The following STK39 variants were observed in gnomAD, a reference collection of about 807,000 sequenced individuals.
The protein encoded by STK39 is STE20/SPS1-related proline-alanine-rich protein kinase.
Under a neutral mutation model 77.8 loss-of-function variants are expected in STK39, and 20 were observed. The observed-to-expected ratio is 0.26, with a 90% confidence interval of 0.18 to 0.37. The LOEUF is 0.37. STK39 is among the 10% of genes least tolerant of loss of function. STK39 has a pLI of 1.00. For missense variants in STK39, 479 were observed against 656.5 expected, an observed-to-expected ratio of 0.73 and a Z score of 2.95; for synonymous variants, 246 against 234.1, an observed-to-expected ratio of 1.05 and a Z score of -0.47.
At chr2:168,196,605 G>A (rs1348869226) in intron 1 of STK39, among the ~76,000 whole-genome samples, 2 of 152,196 alleles carry the variant, frequency 1.3e-5, no homozygotes, top group African/African-American at 2.4e-5. Flanking sequence ...GCAGTGACCT[G>A]TGATCATGCC....
At chr2:167,971,777 G>T (rs1360630746) in intron 16 of STK39, among the ~76,000 whole-genome samples, 2 of 152,220 alleles carry the variant, frequency 1.3e-5, no homozygotes, top group Admixed American at 1.3e-4. Flanking sequence ...GATAAGTAAT[G>T]GGGTACATTT....
chr2:168,227,667 T>C (rs978771620), intron 1 of STK39, among the ~76,000 whole-genome samples: 2 of 152,176 alleles, frequency 1.3e-5, no homozygotes, highest in African/African-American at 2.4e-5. Flanking sequence ...TAAAACAATT[T>C]TTCTTTTTTA....
At chr2:168,002,435 C>G (rs1684024553) in intron 16 of STK39, among the ~76,000 whole-genome samples, 1 of 152,196 alleles carries the variant, frequency 6.6e-6, no homozygotes, top group Non-Finnish European at 1.5e-5. Flanking sequence ...TTACAAATGA[C>G]AGGTCTACCA....
rs1300472813 is a variant in STK39, at chr2:168,012,700, T to C, written c.1432A>G (p.Thr478Ala). Residue 478 changes from threonine to alanine, a missense_variant and splice_region_variant, in exon 16 of 18, where the codon ACA (threonine) becomes GCA (alanine). By Grantham distance (58) the Thr-to-Ala change is moderately conservative. Around this residue, in one of 3 missense-constraint regions of STK39, gnomAD observed 244 missense variants for 296.8 expected, o/e 0.82. Coordinates refer to ENST00000355999, the MANE Select transcript of STK39 (RefSeq NM_013233.3). The part of the protein sequence containing the change: ...IRFEFTPGRD[T>A]ADGVSQELFS... ...AGCTCCTGAGATACACCATCTGCTG[T>C]ATCTGTCCAAATGTGAAATGAATAT... The C allele has an allele frequency of 6.2e-7, 1 of 1,613,136 alleles. No individual in the cohort carries two copies.
intron 5 of STK39, among the ~76,000 whole-genome samples, chr2:168,151,207 A>G (rs1688272745): frequency 6.6e-6 from 1 of 152,232 alleles, no homozygotes; most frequent in African/African-American, 2.4e-5. Flanking sequence ...TCTTTGAAAC[A>G]TCAGAGAATG....
At chr2:168,219,178 C>T (rs1290918678) in intron 1 of STK39, among the ~76,000 whole-genome samples, 1 of 151,770 alleles carries the variant, frequency 6.6e-6, no homozygotes, top group Non-Finnish European at 1.5e-5. Context: ...CCCAGCTACT[C>T]GGGAGGCTGA....
At chr2:168,016,068 C>G (rs1207746925) in intron 15 of STK39, among the ~76,000 whole-genome samples, 1 of 152,134 alleles carries the variant, frequency 6.6e-6, no homozygotes, top group African/African-American at 2.4e-5. Context: ...GCTGGGACTA[C>G]AGCTGTGCAC....
intron 5 of STK39, among the ~76,000 whole-genome samples, chr2:168,156,128 G>C (rs566786026): frequency 2.0e-5 from 3 of 152,202 alleles, no homozygotes; most frequent in Non-Finnish European, 4.4e-5. Flanking sequence ...ACCAGGGTGA[G>C]GGGCTTAACC....
intron 16 of STK39, among the ~76,000 whole-genome samples, chr2:168,000,490 T>C (rs2105296502): frequency 6.6e-6 from 1 of 152,372 alleles, no homozygotes; most frequent in Non-Finnish European, 1.5e-5. Context: ...AATCATGTCC[T>C]CTAACCTGTA....
At chr2:168,005,688 T>C (rs1684115377) in intron 16 of STK39, among the ~76,000 whole-genome samples, 1 of 152,190 alleles carries the variant, frequency 6.6e-6, no homozygotes. Context: ...TACAGCAGGA[T>C]GAAAGCCATA....
chr2:168,092,473 A>C (rs919056094), intron 10 of STK39, among the ~76,000 whole-genome samples: 4 of 152,276 alleles, frequency 2.6e-5, no homozygotes, highest in Admixed American at 2.6e-4. Context: ...ATGTATTCTA[A>C]TTCATCTATT....
chr2:168,194,918 C>G (rs1411445142), intron 1 of STK39, among the ~76,000 whole-genome samples: 1 of 152,008 alleles, frequency 6.6e-6, no homozygotes, highest in Non-Finnish European at 1.5e-5. Context: ...AGCCTGAGGC[C>G]CAGGTCCCCA....
chr2:168,125,118 A>G (rs2105497820), intron 10 of STK39, among the ~76,000 whole-genome samples: 1 of 152,338 alleles, frequency 6.6e-6, no homozygotes, highest in South Asian at 2.1e-4. Flanking sequence ...AACTTAAAGT[A>G]TAATAATAAA....
intron 14 of STK39, among the ~76,000 whole-genome samples, chr2:168,054,303 T>C (rs1685469016): frequency 6.6e-6 from 1 of 152,224 alleles, no homozygotes; most frequent in Non-Finnish European, 1.5e-5. Flanking sequence ...CCTCTGCTTC[T>C]TGTGAGCTTT....
intron 14 of STK39, among the ~76,000 whole-genome samples, chr2:168,053,281 G>A (rs1376025008): frequency 6.6e-6 from 1 of 152,070 alleles, no homozygotes; most frequent in Non-Finnish European, 1.5e-5. Flanking sequence ...TGTATTCATC[G>A]ATATGAAAAG....
At chr2:168,161,666 T>A in intron 5 of STK39, 121 bp downstream of exon 5, 1 of 678,244 alleles carries the variant, frequency 1.5e-6, no homozygotes, top group Non-Finnish European at 2.4e-6. Context: ...AAACATTCTG[T>A]AAATATCATT....
intron 16 of STK39, among the ~76,000 whole-genome samples, chr2:167,982,429 A>C (rs1464057201): frequency 6.6e-6 from 1 of 152,206 alleles, no homozygotes; most frequent in Non-Finnish European, 1.5e-5. Context: ...CTGACGAAGC[A>C]TCAGAATCTC....
chr2:168,247,219 C>T lies in STK39; in HGVS notation c.208+9G>A, dbSNP rs1690944638. ...CCTGTGCCGGCCCCGCCGCGCCCGC[C>T]GCACTGACCGATAACCTCCTGCAGC... is the stretch of plus-strand genomic sequence containing the variant. On this transcript the variant is annotated intron_variant, in intron 1 of 17. Coordinates refer to ENST00000355999, the MANE Select transcript of STK39 (RefSeq NM_013233.3). 2.5e-6 allele frequency: 3 copies of T among 1,202,424 alleles called. No homozygotes were observed. The highest frequency in any genetic ancestry group is 4.1e-5 in the Admixed American group (1 of 24,660). The allele number at this position is 1,202,424 out of a possible 1,614,324, so 74.5% of individuals were successfully genotyped here. A position where few individuals can be genotyped will look rare whatever the true frequency, so the allele number is the denominator to read the frequency against.
intron 14 of STK39, among the ~76,000 whole-genome samples, chr2:168,026,923 G>A (rs372904395): frequency 6.6e-6 from 1 of 152,246 alleles, no homozygotes; most frequent in East Asian, 1.9e-4. Context: ...TTTGAGACCA[G>A]CCTGGGACAC....
Sources: allele counts gnomAD v4.1 joint callset (sites outside exome capture counted in the v4.1 genomes callset), GRCh38; gene constraint gnomAD v4.1.1; regional missense constraint gnomAD v4.1.1; transcripts MANE v1.5; gene names NCBI Gene and HGNC (gene_info 2026-07-23, HGNC 2026-07-21).